Variants in ZDHHC14 observed in about 807,000 individuals in gnomAD.
ZDHHC14 encodes the protein palmitoyltransferase ZDHHC14.
Under a neutral mutation model 47.7 loss-of-function variants are expected in ZDHHC14, and 16 were observed. The ratio of observed to expected loss-of-function variants is 0.34; its 90% CI spans 0.23 to 0.51. The LOEUF is 0.51. ZDHHC14 is among the 20% of genes least tolerant of loss of function. The pLI is 0.97. For missense variants in ZDHHC14, 515 were observed against 662.5 expected (o/e 0.78, Z 2.44); for synonymous variants, 293 against 278.9 (o/e 1.05, Z -0.50).
chr6:157,551,164 G>A (rs1323271250), intron 2 of ZDHHC14, among the ~76,000 whole-genome samples: 5 of 152,216 alleles, frequency 3.3e-5, no homozygotes, highest in Non-Finnish European at 7.3e-5. Flanking sequence ...GGCATCAAGA[G>A]AGGTGATGAC....
intron 1 of ZDHHC14, among the ~76,000 whole-genome samples, chr6:157,460,057 C>A (rs934855359): frequency 2.6e-3 from 308 of 118,058 alleles, no homozygotes; most frequent in Non-Finnish European, 2.9e-3. Context: ...ACTAAAAATA[C>A]AAAAAAAAAA....
intron 2 of ZDHHC14, among the ~76,000 whole-genome samples, chr6:157,573,368 C>A (rs940928725): frequency 1.3e-5 from 2 of 152,198 alleles, no homozygotes; most frequent in Non-Finnish European, 2.9e-5. Flanking sequence ...CAGTGGCAGG[C>A]CTTTCATGTC....
intron 2 of ZDHHC14, among the ~76,000 whole-genome samples, chr6:157,585,645 C>T (rs1446916421): frequency 1.3e-5 from 2 of 152,158 alleles, no homozygotes; most frequent in Admixed American, 6.5e-5. Flanking sequence ...TCCCATCTGC[C>T]CTGGATGCAA....
chr6:157,418,909 G>A (rs1019972429), intron 1 of ZDHHC14, among the ~76,000 whole-genome samples: 1 of 152,196 alleles, frequency 6.6e-6, no homozygotes, highest in African/African-American at 2.4e-5. Context: ...AGCACTCAGG[G>A]AACTTTTAGC....
At chr6:157,584,316 A>G (rs1783614481) in intron 2 of ZDHHC14, among the ~76,000 whole-genome samples, 1 of 151,826 alleles carries the variant, frequency 6.6e-6, no homozygotes, top group Admixed American at 6.6e-5. Context: ...GGTGTGCTGG[A>G]GGTGCCAGCA....
chr6:157,553,402 G>A (rs1171077087), intron 2 of ZDHHC14, among the ~76,000 whole-genome samples: 1 of 152,174 alleles, frequency 6.6e-6, no homozygotes, highest in African/African-American at 2.4e-5. Flanking sequence ...AGTTTGGCAA[G>A]GATGGGATCT....
At chr6:157,518,600 C>T (rs897305798) in intron 1 of ZDHHC14, among the ~76,000 whole-genome samples, 1 of 152,150 alleles carries the variant, frequency 6.6e-6, no homozygotes, top group Non-Finnish European at 1.5e-5. Context: ...GGTGCACCAG[C>T]GGATGGGGCT....
chr6:157,449,745 G>A (rs1054579497), intron 1 of ZDHHC14, among the ~76,000 whole-genome samples: 4 of 152,150 alleles, frequency 2.6e-5, no homozygotes, highest in Non-Finnish European at 5.9e-5. Flanking sequence ...TCTCCAAGTG[G>A]AATCAAAGGC....
chr6:157,536,819 C>CTTTTTTTTTTTTTTTTTTTTTT (rs768063106), intron 1 of ZDHHC14, among the ~76,000 whole-genome samples: 2 of 97,998 alleles, frequency 2.0e-5, no homozygotes, highest in African/African-American at 1.3e-4. Flanking sequence ...CTCCATCTAT[C>CTTTTTTTTTTTTTTTTTTTTTT]TTTTTTTTTT....
intron 1 of ZDHHC14, among the ~76,000 whole-genome samples, chr6:157,388,961 A>T (rs908935628): frequency 6.6e-6 from 1 of 152,038 alleles, no homozygotes; most frequent in Non-Finnish European, 1.5e-5. Flanking sequence ...TCTCTCAGGG[A>T]TTTTGAGTGT....
rs139057358 is a variant in ZDHHC14, at chr6:157,484,668, C to T, written c.246-57917C>T. 2.8e-3 allele frequency among the ~76,000 whole-genome samples: 418 copies of T among 151,672 alleles called. 4 individuals are homozygous for T. Among genetic ancestry groups the T allele is most frequent in the African/African-American group, 1.0e-2 (413 of 41,362 alleles). On this transcript the variant is annotated intron_variant, in intron 1 of 8. Transcript: ENST00000359775. Reference sequence around the variant, plus strand: ...CAATCAAAAATTTTTCCAGCATTTACACTGCAATTACCATGGGCGATTTTT... The same window carrying T: ...CAATCAAAAATTTTTCCAGCATTTATACTGCAATTACCATGGGCGATTTTT...
intron 1 of ZDHHC14, among the ~76,000 whole-genome samples, chr6:157,433,720 A>T (rs1778385983): frequency 6.6e-6 from 1 of 152,236 alleles, no homozygotes; most frequent in Non-Finnish European, 1.5e-5. Context: ...ATGCACACAG[A>T]CACCCCCACT....
chr6:157,595,584 T>C (rs1784096299), intron 3 of ZDHHC14, among the ~76,000 whole-genome samples: 2 of 152,212 alleles, frequency 1.3e-5, no homozygotes, highest in Non-Finnish European at 2.9e-5. Flanking sequence ...CAGACACTGC[T>C]CTGAAAGTTC....
intron 1 of ZDHHC14, among the ~76,000 whole-genome samples, chr6:157,536,658 A>T (rs1781552894): frequency 6.6e-6 from 1 of 152,200 alleles, no homozygotes; most frequent in African/African-American, 2.4e-5. Flanking sequence ...TCAAGGAATC[A>T]GCATTATGTC....
chr6:157,459,938 G>A lies in ZDHHC14; in HGVS notation c.245+77672G>A, dbSNP rs917063246. On this transcript the variant is annotated intron_variant, in intron 1 of 8. Transcript: ENST00000359775. ...TAAAAATTGAAAAATTAGGCCGGGC[G>A]TGGTGTCTCATGCCTGTAATCCCAG... Among the ~76,000 whole-genome samples, 34 of 151,442 alleles carry A rather than the reference G, an allele frequency of 2.2e-4. No individual in the cohort carries two copies. In the East Asian group the frequency reaches 4.1e-3, roughly 18 times the overall value.
intron 1 of ZDHHC14, among the ~76,000 whole-genome samples, chr6:157,528,527 C>A (rs373305344): frequency 1.3e-4 from 20 of 151,984 alleles, no homozygotes; most frequent in Non-Finnish European, 1.5e-5. Context: ...GTCAGGAGAT[C>A]GAGACCATCC....
rs79201990 is a variant in ZDHHC14, at chr6:157,635,138, T to A, written c.752+2256T>A. ...CCTCCTGAGTAGCTGGGATTACAGG[T>A]GCTGTGCCACCACACTTGGCTAATT... On this transcript the variant is annotated intron_variant, in intron 5 of 8. Coordinates refer to ENST00000359775, the MANE Select transcript of ZDHHC14 (RefSeq NM_024630.3). 1.1e-3 allele frequency among the ~76,000 whole-genome samples: 163 copies of A among 152,124 alleles called. 1 individual carries two copies. Among genetic ancestry groups the A allele is most frequent in the African/African-American group, 3.8e-3 (159 of 41,510 alleles).
intron 1 of ZDHHC14, among the ~76,000 whole-genome samples, chr6:157,507,286 AT>A (rs34582274): frequency 0.47 from 62,946 of 134,682 alleles, 13,056 homozygotes; most frequent in African/African-American, 0.57. Context: ...TTCCTGACTC[AT>A]TTTTTTTTTT....
chr6:157,427,071 GCAGGGGAGCAAGGGCCC>G lies in ZDHHC14; in HGVS notation c.245+44811_245+44827del, dbSNP rs1047457572. The stretch of plus-strand genomic sequence containing the variant: ...GAGAGGCACGGTGCGAGCTGGGGTG[GCAGGGGAGCAAGGGCCC>G]CAGGGAGAAGAGAGGGAAGGAAGAG... On this transcript the variant is annotated intron_variant, in intron 1 of 8. Coordinates refer to ENST00000359775, the MANE Select transcript of ZDHHC14 (RefSeq NM_024630.3). The surrounding 1 kb of genome is among the most constrained non-coding windows in gnomAD (Gnocchi z 4.4). Among the ~76,000 whole-genome samples, 1 of 152,096 alleles carries G rather than the reference GCAGGGGAGCAAGGGCCC, an allele frequency of 6.6e-6. No individual in the cohort carries two copies. Among genetic ancestry groups the G allele is most frequent in the African/African-American group, 2.4e-5 (1 of 41,394 alleles).
Sources: gnomAD v4.1 joint callset for allele counts (sites outside exome capture counted in the v4.1 genomes callset) on GRCh38, gnomAD v4.1.1 for gene constraint, Gnocchi (gnomAD v3.1) non-coding constraint, MANE v1.5 for transcripts, NCBI Gene and HGNC (gene_info 2026-07-23, HGNC 2026-07-21) for gene names.